The following ARMC2 variants were observed in gnomAD, a reference collection of about 807,000 sequenced individuals.
ARMC2 encodes armadillo repeat containing 2.
A neutral mutation model predicts 90.3 loss-of-function variants in ARMC2; 67 were observed. That is an observed-to-expected ratio of 0.74 (90% CI 0.61 to 0.91). The LOEUF is 0.91. Among genes scored for constraint, ARMC2 ranks in the 40% least tolerant of loss-of-function variants. The pLI is 0.00. For synonymous variants in ARMC2, 393 were observed against 393.0 expected (o/e 1.00, Z 0.00); for missense variants, 920 against 1,030.9 (o/e 0.89, Z 1.47).
chr6:108,915,816 G>T (rs1363727031), intron 10 of ARMC2, among the ~76,000 whole-genome samples: 1 of 152,128 alleles, frequency 6.6e-6, no homozygotes, highest in Admixed American at 6.6e-5. Flanking sequence ...GGAGGTGAGT[G>T]CATGGGGGGA....
At chr6:109,042,730 C>G in the ARMC2 span, among the ~76,000 whole-genome samples, 1 of 151,928 alleles carries the variant, frequency 6.6e-6, no homozygotes, top group African/African-American at 2.4e-5. Context: ...AAAACTCCCC[C>G]AAAATAAATT....
chr6:108,932,487 T>G (rs1775632940), intron 11 of ARMC2, among the ~76,000 whole-genome samples: 1 of 151,144 alleles, frequency 6.6e-6, no homozygotes, highest in African/African-American at 2.5e-5. Flanking sequence ...CCGTGATTAT[T>G]TATTAAACAG....
At chr6:108,861,368 C>G (rs1448625383) in intron 3 of ARMC2, among the ~76,000 whole-genome samples, 1 of 152,232 alleles carries the variant, frequency 6.6e-6, no homozygotes, top group African/African-American at 2.4e-5. Flanking sequence ...CATTGTGATA[C>G]TTCATCCACA....
At chr6:108,979,244 A>G (rs1376622962), downstream of ARMC2, among the ~76,000 whole-genome samples, 5 of 152,190 alleles carry the variant, frequency 3.3e-5, no homozygotes, top group East Asian at 9.7e-4. Flanking sequence ...TTTCTCCTTC[A>G]CCTATGAAGC....
intron 4 of ARMC2, among the ~76,000 whole-genome samples, chr6:108,869,804 C>T (rs1008669640): frequency 2.0e-5 from 3 of 152,044 alleles, no homozygotes; most frequent in Admixed American, 6.5e-5. Context: ...GTCCCACCAA[C>T]AATTGGAATC....
the ARMC2 span, among the ~76,000 whole-genome samples, chr6:109,019,481 A>C: frequency 1.3e-5 from 2 of 152,224 alleles, no homozygotes; most frequent in Admixed American, 1.3e-4. Context: ...TTATAGACCA[A>C]ACTCACCTTC....
chr6:108,869,498 C>A (rs957985283), intron 4 of ARMC2, among the ~76,000 whole-genome samples: 1 of 152,030 alleles, frequency 6.6e-6, no homozygotes. Flanking sequence ...ACGAGCAAGA[C>A]TGTCTCAACA....
chr6:108,895,451 T>G (rs978189846), intron 6 of ARMC2, among the ~76,000 whole-genome samples: 1 of 128,842 alleles, frequency 7.8e-6, no homozygotes, highest in Non-Finnish European at 1.5e-5. Flanking sequence ...GCCGCTGCAC[T>G]CCAGCCTGGG....
the ARMC2 span, among the ~76,000 whole-genome samples, chr6:109,040,423 C>CA: frequency 6.6e-6 from 1 of 152,088 alleles, no homozygotes; most frequent in Non-Finnish European, 1.5e-5. Flanking sequence ...ATTTCTCTGT[C>CA]AATTTAGTTG....
chr6:108,950,758 G>A (rs1314649939), intron 12 of ARMC2, among the ~76,000 whole-genome samples: 1 of 152,140 alleles, frequency 6.6e-6, no homozygotes, highest in Non-Finnish European at 1.5e-5. Context: ...AAGTGCTCAT[G>A]TACCCCTGAG....
intron 1 of ARMC2, among the ~76,000 whole-genome samples, 199 bp from the exon 2 acceptor site, chr6:108,854,026 T>C (rs1352704304): frequency 1.3e-5 from 2 of 152,126 alleles, no homozygotes; most frequent in African/African-American, 2.4e-5. Context: ...CACATCTTTG[T>C]CCTCAGTTGT....
In ARMC2 at chr6:108,974,297, G is replaced by A. The variant is rs943952772; in HGVS notation, c.*783G>A. On this transcript the variant is annotated 3_prime_UTR_variant, in exon 18 of 18. Coordinates refer to ENST00000392644, the MANE Select transcript of ARMC2 (RefSeq NM_032131.6). ...ATTTCTTGAGCTGCAACTGCAAAAT[G>A]GGAATCATATCAATTTTACTGTAGT... 1 of 152,170 alleles carries A rather than the reference G, an allele frequency of 6.6e-6. No homozygotes were observed. Among genetic ancestry groups the A allele is most frequent in the African/African-American group, 2.4e-5 (1 of 41,444 alleles). 9.4% of individuals were successfully genotyped at this position (152,170 alleles called of 1,614,324 possible).
At chr6:108,899,164 T>C (rs1049583705) in intron 6 of ARMC2, among the ~76,000 whole-genome samples, 4 of 152,126 alleles carry the variant, frequency 2.6e-5, no homozygotes, top group East Asian at 1.9e-4. Context: ...GGGATTTGAA[T>C]TGAGATTTGT....
At chr6:109,011,276 TGAA>T in the ARMC2 span, among the ~76,000 whole-genome samples, 1 of 152,378 alleles carries the variant, frequency 6.6e-6, no homozygotes, top group African/African-American at 2.4e-5. Context: ...AAATATTTAT[TGAA>T]GAAATATTTC....
intron 5 of ARMC2, among the ~76,000 whole-genome samples, chr6:108,886,237 T>C (rs748294251): frequency 3.0e-4 from 46 of 152,230 alleles, no homozygotes; most frequent in Non-Finnish European, 3.8e-4. Flanking sequence ...AATATTTGTT[T>C]AGTTATTCCT....
chr6:108,872,416 G>A (rs934859911), intron 4 of ARMC2, among the ~76,000 whole-genome samples: 9 of 152,276 alleles, frequency 5.9e-5, no homozygotes, highest in East Asian at 1.9e-4. Flanking sequence ...AGCCCTACAC[G>A]TGCTTCCTGA....
At chr6:108,867,654 C>T (rs566914404) in intron 3 of ARMC2, among the ~76,000 whole-genome samples, 5 of 152,138 alleles carry the variant, frequency 3.3e-5, no homozygotes, top group South Asian at 2.1e-4. Flanking sequence ...GCCTGTAATC[C>T]GAACTACTTG....
the ARMC2 span, among the ~76,000 whole-genome samples, chr6:109,036,906 T>C: frequency 2.0e-5 from 3 of 152,224 alleles, no homozygotes; most frequent in Non-Finnish European, 4.4e-5. Flanking sequence ...CAAATAGGCA[T>C]ACTGCCCCAT....
chr6:108,955,402 C>T (rs763805284), intron 13 of ARMC2, among the ~76,000 whole-genome samples: 326 of 152,246 alleles, frequency 2.1e-3, no homozygotes, highest in Non-Finnish European at 3.8e-3. Context: ...CGGTTGAAAA[C>T]GCATTTTCAT....
Sources: allele counts gnomAD v4.1 joint callset (sites outside exome capture counted in the v4.1 genomes callset), GRCh38; gene constraint gnomAD v4.1.1; transcripts MANE v1.5; gene names NCBI Gene and HGNC (gene_info 2026-07-23, HGNC 2026-07-21).